SPATS2: variants seen among roughly 807,000 people sequenced by gnomAD.
SPATS2 encodes spermatogenesis associated serine rich 2, also known as spermatogenesis-associated serine-rich protein 2.
SPATS2 carries 38 observed loss-of-function variants against 63.7 expected under a neutral mutation model. The ratio of observed to expected loss-of-function variants is 0.60; its 90% confidence interval spans 0.46 to 0.78. The LOEUF (loss-of-function observed/expected upper bound fraction) is 0.78, where lower values mean the gene tolerates loss of function less well. SPATS2 is among the 30% of genes least tolerant of loss of function. The pLI is 0.00. For missense variants in SPATS2, 588 were observed against 666.2 expected, an observed-to-expected ratio of 0.88 and a Z score of 1.29; for synonymous variants, 207 against 232.9, an observed-to-expected ratio of 0.89 and a Z score of 1.01.
chr12:49,442,890 A>G (rs936110689), intron 2 of SPATS2, among the ~76,000 whole-genome samples: 2 of 148,628 alleles, frequency 1.3e-5, no homozygotes, highest in East Asian at 2.0e-4. Context: ...CTCTTTATTC[A>G]TTAAACATCC....
intron 2 of SPATS2, among the ~76,000 whole-genome samples, chr12:49,441,437 TTCC>T (rs1016968566): frequency 1.5e-4 from 23 of 152,320 alleles, no homozygotes; most frequent in African/African-American, 5.5e-4. Context: ...TAAAAATAGC[TTCC>T]TATTTTCTCC....
chr12:49,401,587 T>C (rs761676709), intron 2 of SPATS2, among the ~76,000 whole-genome samples: 6 of 152,254 alleles, frequency 3.9e-5, no homozygotes, highest in Non-Finnish European at 8.8e-5. Context: ...CTAAAAGATA[T>C]GAACTCTTAC....
chr12:49,497,097 G>C, intron 8 of SPATS2, 88 bp downstream of exon 8: 2 of 1,279,812 alleles, frequency 1.6e-6, no homozygotes, highest in South Asian at 3.0e-5. Flanking sequence ...CATAAATAAG[G>C]TTTCAGAAGG....
intron 2 of SPATS2, among the ~76,000 whole-genome samples, chr12:49,432,670 T>C (rs1945206096): frequency 6.6e-6 from 1 of 152,226 alleles, no homozygotes; most frequent in Non-Finnish European, 1.5e-5. Context: ...AGTGGAATCA[T>C]ACAGTTTTTG....
At chr12:49,416,639 C>T (rs1027236159) in intron 2 of SPATS2, among the ~76,000 whole-genome samples, 13 of 152,174 alleles carry the variant, frequency 8.5e-5, no homozygotes, top group South Asian at 4.2e-4. Context: ...CCCATGACCA[C>T]GCCCGACTAA....
intron 7 of SPATS2, among the ~76,000 whole-genome samples, chr12:49,495,772 T>G (rs947267928): frequency 7.2e-5 from 11 of 152,150 alleles, no homozygotes; most frequent in African/African-American, 2.7e-4. Flanking sequence ...TTTTAAAAAT[T>G]GTGGAGTTAT....
intron 2 of SPATS2, among the ~76,000 whole-genome samples, chr12:49,429,931 CCAT>C (rs1945152088): frequency 1.3e-5 from 2 of 150,080 alleles, no homozygotes; most frequent in East Asian, 3.9e-4. Flanking sequence ...CAGGGACGCG[CCAT>C]CACGCCCAGC....
chr12:49,513,164 A>T (rs771348263), intron 9 of SPATS2, among the ~76,000 whole-genome samples: 1 of 152,174 alleles, frequency 6.6e-6, no homozygotes, highest in Non-Finnish European at 1.5e-5. Context: ...CTTTGTGCTA[A>T]CATAACTATG....
At chr12:49,412,234 G>A (rs538939862) in intron 2 of SPATS2, among the ~76,000 whole-genome samples, 5 of 151,876 alleles carry the variant, frequency 3.3e-5, no homozygotes, top group South Asian at 4.2e-4. Context: ...TCTCTCTGTC[G>A]CCTAGGCTGG....
chr12:49,513,332 T>G (rs1361056045), intron 9 of SPATS2, among the ~76,000 whole-genome samples: 1 of 152,162 alleles, frequency 6.6e-6, no homozygotes, highest in Non-Finnish European at 1.5e-5. Context: ...AACTCCAAAT[T>G]TGAAGAAAGT....
rs1039411980 is a variant in SPATS2 at position 49,522,873 on chromosome 12, T to C, written c.1111+20T>C. The C allele has an allele frequency of 1.9e-6, 3 of 1,598,984 alleles. No individual in the cohort carries two copies. In the African/African-American group the frequency reaches 4.0e-5, roughly 21 times the overall value. On this transcript the variant is annotated intron_variant, in intron 12 of 13. Transcript: ENST00000552918. ...GACAAGGTGAGATGGTGAGAGGGTCTGGGCACTACAGGTGGTGATTATTAA... is the reference window on the plus strand; with the variant it reads ...GACAAGGTGAGATGGTGAGAGGGTCCGGGCACTACAGGTGGTGATTATTAA...
intron 9 of SPATS2, among the ~76,000 whole-genome samples, chr12:49,507,123 C>T (rs1292799519): frequency 6.6e-6 from 1 of 152,158 alleles, no homozygotes; most frequent in African/African-American, 2.4e-5. Flanking sequence ...TTTTGTGATT[C>T]AGAAGGTCCT....
intron 2 of SPATS2, among the ~76,000 whole-genome samples, chr12:49,459,602 C>T (rs1225050272): frequency 6.6e-6 from 1 of 151,744 alleles, no homozygotes; most frequent in Non-Finnish European, 1.5e-5. Context: ...CCTGCCTTGG[C>T]CTTCCAAAGT....
At chr12:49,473,530 A>G (rs1946073625) in intron 3 of SPATS2, among the ~76,000 whole-genome samples, 1 of 152,196 alleles carries the variant, frequency 6.6e-6, no homozygotes, top group Admixed American at 6.5e-5. Flanking sequence ...TACACATATC[A>G]TATTTAGTTC....
intron 3 of SPATS2, among the ~76,000 whole-genome samples, chr12:49,470,435 A>G (rs910086485): frequency 7.2e-5 from 11 of 152,208 alleles, no homozygotes; most frequent in Admixed American, 6.5e-4. Context: ...CACCTGAAGT[A>G]TTTACATTAT....
intron 2 of SPATS2, among the ~76,000 whole-genome samples, chr12:49,435,560 A>G (rs1945261989): frequency 7.1e-6 from 1 of 140,678 alleles, no homozygotes; most frequent in South Asian, 2.3e-4. Flanking sequence ...TCCTGAGCTC[A>G]AGTGATCCGC....
chr12:49,487,605 T>C (rs1946316779), intron 4 of SPATS2, among the ~76,000 whole-genome samples: 1 of 152,180 alleles, frequency 6.6e-6, no homozygotes, highest in African/African-American at 2.4e-5. Flanking sequence ...TTGTTTGGGT[T>C]TTTTGGTTTT....
intron 9 of SPATS2, among the ~76,000 whole-genome samples, chr12:49,510,022 C>T (rs891565013): frequency 6.6e-6 from 1 of 151,308 alleles, no homozygotes; most frequent in African/African-American, 2.4e-5. Flanking sequence ...TTTGGGAGGC[C>T]AAGGCGAGAG....
intron 2 of SPATS2, among the ~76,000 whole-genome samples, chr12:49,411,063 C>T (rs911551603): frequency 6.6e-6 from 1 of 151,456 alleles, no homozygotes; most frequent in Non-Finnish European, 1.5e-5. Context: ...CAAGCGAAAA[C>T]CTTTTCTCTC....
Sources: allele counts gnomAD v4.1 joint callset (sites outside exome capture counted in the v4.1 genomes callset), GRCh38; gene constraint gnomAD v4.1.1; transcripts MANE v1.5; gene names NCBI Gene and HGNC (gene_info 2026-07-23, HGNC 2026-07-21).